Variants in NID1 observed in about 807,000 individuals in gnomAD.
NID1 encodes nidogen-1.
In NID1, 76 loss-of-function variants were observed where a neutral mutation model predicts 130.6. The observed-to-expected ratio is 0.58, with a 90% CI of 0.48 to 0.70. The LOEUF (loss-of-function observed/expected upper bound fraction) is 0.70, where lower values mean the gene tolerates loss of function less well. Ranked by LOEUF, NID1 falls within the 30% of genes least tolerant of loss-of-function variation. NID1 has a pLI of 0.00. For synonymous variants in NID1, 665 were observed against 675.1 expected (o/e 0.98, Z 0.23); for missense variants, 1,517 against 1,664.8 (o/e 0.91, Z 1.54).
At chr1:236,020,629 C>T (rs1471184144) in intron 9 of NID1, among the ~76,000 whole-genome samples, 1 of 152,170 alleles carries the variant, frequency 6.6e-6, no homozygotes, top group Non-Finnish European at 1.5e-5. Context: ...CATATCAGCG[C>T]TGCACACACT....
intron 12 of NID1, among the ~76,000 whole-genome samples, chr1:235,996,876 C>T (rs1402696772): frequency 1.3e-5 from 2 of 152,186 alleles, no homozygotes; most frequent in South Asian, 2.1e-4. Flanking sequence ...CTCTTGTTGC[C>T]TGGGCTGGAG....
intron 12 of NID1, among the ~76,000 whole-genome samples, chr1:236,007,029 T>A (rs183429850): frequency 1.4e-4 from 21 of 152,210 alleles, no homozygotes; most frequent in African/African-American, 4.8e-4. Flanking sequence ...TTATTATTTT[T>A]AAATTTTTTT....
At chr1:236,013,827 G>T (rs1434180848) in intron 10 of NID1, among the ~76,000 whole-genome samples, 1 of 152,110 alleles carries the variant, frequency 6.6e-6, no homozygotes, top group Admixed American at 6.6e-5. Context: ...CACTCTGGGG[G>T]TCTGTCTCAG....
chr1:236,013,587 T>A (rs1354493268), intron 10 of NID1, 27 bp from the exon 11 acceptor site: 1 of 1,613,876 alleles, frequency 6.2e-7, no homozygotes, highest in East Asian at 2.2e-5. Context: ...TGATGCACAG[T>A]CTTAGGAAGA....
chr1:236,004,382 A>C (rs560995884), intron 12 of NID1, among the ~76,000 whole-genome samples: 1 of 152,312 alleles, frequency 6.6e-6, no homozygotes, highest in East Asian at 1.9e-4. Flanking sequence ...TGGGAACAGG[A>C]AAGCCCCAGC....
At chr1:236,031,329 A>C (rs1659092143) in intron 6 of NID1, among the ~76,000 whole-genome samples, 1 of 152,222 alleles carries the variant, frequency 6.6e-6, no homozygotes, top group Non-Finnish European at 1.5e-5. Flanking sequence ...TGTGTTATCC[A>C]GGATGATCTC....
rs771655893 is a variant in NID1 at position 235,980,485 on chromosome 1, C to G, written c.3385+11G>C. 3.7e-6 allele frequency: 6 copies of G among 1,613,960 alleles called. No homozygotes were observed. The highest frequency in any genetic ancestry group is 1.7e-5 in the Admixed American group (1 of 60,024). ...GAGACCCGCCCTGGACAGTGTCCAG[C>G]TTTCCATCACCTGCATCCACCCAGC... On this transcript the variant is annotated intron_variant, in intron 17 of 19. Coordinates refer to ENST00000264187, the MANE Select transcript of NID1 (RefSeq NM_002508.3).
intron 9 of NID1, among the ~76,000 whole-genome samples, chr1:236,022,701 G>T (rs1658801189): frequency 6.6e-6 from 1 of 151,866 alleles, no homozygotes; most frequent in African/African-American, 2.4e-5. Context: ...AAATGCTTGT[G>T]CACTGTAGGT....
intron 12 of NID1, among the ~76,000 whole-genome samples, chr1:236,003,641 G>A (rs1205582732): frequency 6.6e-6 from 1 of 152,148 alleles, no homozygotes; most frequent in Non-Finnish European, 1.5e-5. Flanking sequence ...AGGCAGAGGT[G>A]GGCAGATCAC....
chr1:235,982,237 C>T (rs778703527), intron 15 of NID1, among the ~76,000 whole-genome samples: 6 of 152,006 alleles, frequency 3.9e-5, no homozygotes, highest in Non-Finnish European at 8.8e-5. Context: ...TTTTAGGTAG[C>T]GAGACTGGCA....
intron 1 of NID1, among the ~76,000 whole-genome samples, chr1:236,062,323 G>A (rs1009143561): frequency 2.0e-5 from 3 of 152,054 alleles, no homozygotes; most frequent in African/African-American, 7.2e-5. Flanking sequence ...AAGTTAAATC[G>A]TGTCAGCCAT....
intron 12 of NID1, among the ~76,000 whole-genome samples, chr1:236,007,620 C>A (rs1025847397): frequency 2.2e-4 from 33 of 152,152 alleles, no homozygotes; most frequent in Non-Finnish European, 2.8e-4. Context: ...GTGGAGGGGG[C>A]CAGCTGCTAG....
chr1:236,030,055 G>C (rs747944574), intron 6 of NID1, among the ~76,000 whole-genome samples: 8 of 152,176 alleles, frequency 5.3e-5, no homozygotes, highest in Non-Finnish European at 8.8e-5. Flanking sequence ...GGCTCTGTCT[G>C]GGTGAACTTG....
At position 235,981,854 on chromosome 1, in the gene NID1, C is replaced by T. The variant is rs111638120; in HGVS notation, c.3056-72G>A. ...AGCTGAGATGAGGTTTTTCTGAATACTCAATGTTATTTCACATGGTGTCCA... is the reference window on the plus strand; with the variant it reads ...AGCTGAGATGAGGTTTTTCTGAATATTCAATGTTATTTCACATGGTGTCCA... On this transcript the variant is annotated intron_variant, in intron 15 of 19. Transcript: ENST00000264187. The T allele has an allele frequency of 3.8e-4, 530 of 1,379,890 alleles. 6 individuals carry two copies. The African/African-American group carries it at 6.8e-3, about 18-fold the overall frequency. The allele number at this position is 1,379,890 out of a possible 1,614,324, so 85.5% of individuals were successfully genotyped here.
At chr1:236,036,540 G>A (rs1027875458) in intron 5 of NID1, among the ~76,000 whole-genome samples, 1 of 152,172 alleles carries the variant, frequency 6.6e-6, no homozygotes, top group Non-Finnish European at 1.5e-5. Context: ...AATGACCCAC[G>A]ACAAGTGAGA....
At chr1:236,025,046 G>C (rs188800337) in intron 8 of NID1, among the ~76,000 whole-genome samples, 57 of 151,740 alleles carry the variant, frequency 3.8e-4, no homozygotes, top group African/African-American at 1.4e-3. Flanking sequence ...CGCCTCCCAG[G>C]TTCAAGCGAT....
rs1193522153 is a variant in NID1, at chr1:236,042,022, C to T, written c.1023G>A (p.Arg341=). Reference sequence around the variant, plus strand: ...TTCTCTCTGTGGGAGGTCCAAGGGGCCTTTCGGTAGCTGCCCGGCGCGGGG... The same window carrying T: ...TTCTCTCTGTGGGAGGTCCAAGGGGTCTTTCGGTAGCTGCCCGGCGCGGGG... ...VLSPRRAATE[R]PLGPPTERTR... Residue 341 remains arginine (R), a synonymous_variant, in exon 4 of 20, where the codon AGG becomes AGA. Transcript: ENST00000264187. The T allele has an allele frequency of 1.9e-6, 3 of 1,614,042 alleles. No homozygotes were observed. The highest frequency in any genetic ancestry group is 1.1e-5 in the South Asian group (1 of 91,080).
rs769851347 is a variant in NID1, at chr1:236,029,555, G to A, written c.1733C>T (p.Thr578Ile). ...EPYTELYHYS[T>I]SVITSSSTRE... is the part of the protein sequence containing the mutation. ...GGGACACAGCTGGGGCTCACCTGAG[G>A]TGGAGTAGTGGTACAGCTCCGTGTA... The change falls in exon 7 of 20, where the codon ACC (threonine) becomes ATC (isoleucine). Residue 578 changes from threonine to isoleucine, a missense_variant. Physicochemically the swap from Thr to Ile is moderately conservative, Grantham distance 89. Around this residue, in one of 3 missense-constraint regions of NID1, gnomAD observed 1,329 missense variants for 1,429.2 expected, o/e 0.93. Transcript: ENST00000264187. The A allele has an allele frequency of 7.0e-5, 109 of 1,558,006 alleles. No homozygotes were observed. The highest frequency in any genetic ancestry group is 1.4e-4 in the Admixed American group (7 of 51,488).
chr1:236,011,894 C>T, intron 12 of NID1, 27 bp downstream of exon 12: 2 of 1,612,434 alleles, frequency 1.2e-6, no homozygotes, highest in Non-Finnish European at 8.5e-7. Flanking sequence ...CAATGGGCTA[C>T]CGACTCCAGA....
Sources: gnomAD v4.1 joint callset for allele counts (sites outside exome capture counted in the v4.1 genomes callset) on GRCh38, gnomAD v4.1.1 for gene constraint, gnomAD v4.1.1 regional missense constraint, MANE v1.5 for transcripts, NCBI Gene and HGNC (gene_info 2026-07-23, HGNC 2026-07-21) for gene names.